The following B3GALT1 variants were observed in gnomAD, a reference collection of about 807,000 sequenced individuals.
B3GALT1 encodes UDP-Gal:betaGlcNAc beta 1,3-galactosyltransferase, polypeptide 1.
B3GALT1 carries 10 observed loss-of-function variants against 23.2 expected under a neutral mutation model. That is an observed-to-expected ratio of 0.43 (90% CI 0.27 to 0.73). The LOEUF is 0.73. Among genes scored for constraint, B3GALT1 ranks in the 30% least tolerant of loss-of-function variants. The pLI is 0.21. For synonymous variants in B3GALT1, 156 were observed against 141.5 expected (o/e 1.10, Z -0.73); for missense variants, 299 against 405.4 (o/e 0.74, Z 2.25).
intron 2 of B3GALT1, among the ~76,000 whole-genome samples, chr2:167,632,590 T>C (rs936639477): frequency 4.6e-5 from 7 of 152,088 alleles, no homozygotes; most frequent in Non-Finnish European, 8.8e-5. Context: ...TGCATAAATG[T>C]CTTCTTCTGA....
intron 3 of B3GALT1, among the ~76,000 whole-genome samples, chr2:167,747,656 C>T (rs1028201899): frequency 2.0e-5 from 3 of 152,184 alleles, no homozygotes; most frequent in African/African-American, 7.2e-5. Flanking sequence ...AAGCAAACAT[C>T]CACATGAATA....
At chr2:167,755,941 C>T (rs561157395) in intron 3 of B3GALT1, among the ~76,000 whole-genome samples, 1 of 152,156 alleles carries the variant, frequency 6.6e-6, no homozygotes, top group Admixed American at 6.5e-5. Context: ...AGCCACTGCA[C>T]TCCAGCCTGG....
intron 1 of B3GALT1, among the ~76,000 whole-genome samples, chr2:167,428,977 C>T (rs1229182930): frequency 1.3e-5 from 2 of 151,956 alleles, no homozygotes; most frequent in African/African-American, 4.8e-5. Flanking sequence ...CAATACACTA[C>T]AATAAAGAAA....
rs1697998616 is a variant in B3GALT1, at chr2:167,390,190, G to A, written c.-511+96856G>A. The stretch of plus-strand genomic sequence containing the variant: ...TGAGAGGCTGAATCCAGAGCCATGT[G>A]CAAGTGGGGTTAAATCATTGATTCA... On this transcript the variant is annotated intron_variant, in intron 1 of 4. Transcript: ENST00000392690. 4.6e-5 allele frequency among the ~76,000 whole-genome samples: 7 copies of A among 152,156 alleles called. 1 individual carries two copies.
chr2:167,395,805 A>T (rs1313312024), intron 1 of B3GALT1, among the ~76,000 whole-genome samples: 2 of 152,154 alleles, frequency 1.3e-5, no homozygotes, highest in Non-Finnish European at 2.9e-5. Flanking sequence ...TCAAATACAA[A>T]AATAAAACTC....
chr2:167,729,491 C>A (rs144327328), intron 3 of B3GALT1, among the ~76,000 whole-genome samples: 1 of 152,064 alleles, frequency 6.6e-6, no homozygotes, highest in Non-Finnish European at 1.5e-5. Context: ...TATGGAAAGG[C>A]GATAATAGCC....
intron 2 of B3GALT1, among the ~76,000 whole-genome samples, chr2:167,525,850 G>C (rs1048457370): frequency 8.6e-5 from 13 of 151,526 alleles, no homozygotes; most frequent in African/African-American, 3.2e-4. Flanking sequence ...CTCAGCTTAA[G>C]TCTTAAGTGA....
chr2:167,825,846 G>T (rs970180444), intron 4 of B3GALT1, among the ~76,000 whole-genome samples: 1 of 152,148 alleles, frequency 6.6e-6, no homozygotes, highest in Non-Finnish European at 1.5e-5. Flanking sequence ...AACTTATCCA[G>T]CTTGTAATTC....
At position 167,387,456 on chromosome 2, in the gene B3GALT1, T is replaced by G. The variant is rs75304155; in HGVS notation, c.-511+94122T>G. Among the ~76,000 whole-genome samples, 172 of 152,322 alleles carry G rather than the reference T, an allele frequency of 1.1e-3. 1 individual carries two copies. The East Asian group carries it at 0.018, about 16-fold the overall frequency. ...TAAAGTCTCATTGTGGCTTCTCTTT[T>G]ATACATTCAACTGCAAAATATCTTA... On this transcript the variant is annotated intron_variant, in intron 1 of 4. Transcript: ENST00000392690.
intron 2 of B3GALT1, among the ~76,000 whole-genome samples, chr2:167,610,866 G>T (rs891682868): frequency 1.2e-4 from 16 of 128,272 alleles, no homozygotes; most frequent in African/African-American, 4.4e-4. Context: ...AGGAGAAGTT[G>T]TTTGGGAAAT....
intron 3 of B3GALT1, among the ~76,000 whole-genome samples, chr2:167,763,408 G>A (rs924265415): frequency 1.3e-5 from 2 of 152,118 alleles, no homozygotes; most frequent in African/African-American, 4.8e-5. Context: ...AGGTAGATAA[G>A]AGCTGCATGT....
Position 167,626,736 on chromosome 2 carries a change from A to G in B3GALT1, c.-409-20173A>G, listed in dbSNP as rs182667312. 5.3e-5 allele frequency among the ~76,000 whole-genome samples: 8 copies of G among 151,956 alleles called. No homozygotes were observed. In the East Asian group the frequency reaches 1.6e-3, roughly 29 times the overall value. ...GTTATTTATTCCTATGTCTCTGTAC[A>G]TGTAGTATTAAATATTCTGTAAGAT... On this transcript the variant is annotated intron_variant, in intron 2 of 4. Transcript: ENST00000392690.
intron 2 of B3GALT1, among the ~76,000 whole-genome samples, chr2:167,504,353 C>T (rs1699888878): frequency 6.6e-6 from 1 of 152,114 alleles, no homozygotes; most frequent in Admixed American, 6.5e-5. Context: ...CTCAAGATTA[C>T]ATAGTGTATG....
At chr2:167,302,253 C>T (rs972277285) in intron 1 of B3GALT1, among the ~76,000 whole-genome samples, 31 of 151,784 alleles carry the variant, frequency 2.0e-4, no homozygotes, top group Admixed American at 5.9e-4. Context: ...GTTATTTTTG[C>T]ATAGTAGGAT....
At chr2:167,691,028 T>G (rs1288181182) in intron 3 of B3GALT1, among the ~76,000 whole-genome samples, 1 of 152,150 alleles carries the variant, frequency 6.6e-6, no homozygotes, top group Non-Finnish European at 1.5e-5. Flanking sequence ...ATCAGTATTT[T>G]AATTATTTAA....
rs185844508 is a variant in B3GALT1 at position 167,671,834 on chromosome 2, A to G, written c.-352+24868A>G. ...AGACTAATAAAAATAAAAATGATTG[A>G]CAAAACTAAAAGTTGGTTTTTTGAA... On this transcript the variant is annotated intron_variant, in intron 3 of 4. Transcript: ENST00000392690. 4.6e-4 allele frequency among the ~76,000 whole-genome samples: 70 copies of G among 152,254 alleles called. 2 individuals carry two copies. The highest frequency in any genetic ancestry group is 7.8e-4 in the Non-Finnish European group (53 of 67,986).
At chr2:167,311,783 G>C (rs1696637688) in intron 1 of B3GALT1, among the ~76,000 whole-genome samples, 1 of 151,882 alleles carries the variant, frequency 6.6e-6, no homozygotes, top group Non-Finnish European at 1.5e-5. Flanking sequence ...ACTTGAGGCA[G>C]ACAAAACACT....
At chr2:167,371,020 T>C (rs1697676060) in intron 1 of B3GALT1, among the ~76,000 whole-genome samples, 1 of 152,154 alleles carries the variant, frequency 6.6e-6, no homozygotes, top group Non-Finnish European at 1.5e-5. Context: ...ATTCTGTGCA[T>C]CTAAAATTCT....
At chr2:167,585,321 A>G (rs556786902) in intron 2 of B3GALT1, among the ~76,000 whole-genome samples, 1 of 152,308 alleles carries the variant, frequency 6.6e-6, no homozygotes, top group Non-Finnish European at 1.5e-5. Flanking sequence ...TCCAAAATTT[A>G]TATGTTGGTC....
Sources: allele counts gnomAD v4.1 joint callset (sites outside exome capture counted in the v4.1 genomes callset), GRCh38; gene constraint gnomAD v4.1.1; transcripts MANE v1.5; gene names NCBI Gene and HGNC (gene_info 2026-07-23, HGNC 2026-07-21).